The following DIRAS2 variants were observed in gnomAD, a reference collection of about 807,000 sequenced individuals.
DIRAS2 encodes GTP-binding protein Di-Ras2.
DIRAS2 carries 5 observed loss-of-function variants against 13.9 expected under a neutral mutation model. That is an observed-to-expected ratio of 0.36 (90% CI 0.19 to 0.76). The LOEUF is 0.76. Ranked by LOEUF, DIRAS2 falls within the 30% of genes least tolerant of loss-of-function variation. The pLI is 0.53. For synonymous variants in DIRAS2, 111 were observed against 105.4 expected (o/e 1.05, Z -0.33); for missense variants, 191 against 263.0 (o/e 0.73, Z 1.89).
Position 90,618,338 on chromosome 9 carries a change from T to A in DIRAS2, c.-36-4475A>T, listed in dbSNP as rs144777803. 9.9e-3 allele frequency among the ~76,000 whole-genome samples: 1,502 copies of A among 152,288 alleles called. 9 individuals carry two copies. Among genetic ancestry groups the A allele is most frequent in the Middle Eastern group, 0.02 (6 of 294 alleles). On this transcript the variant is annotated intron_variant, in intron 1 of 1. Transcript: ENST00000375765. ...ATTCAAAAGGCAGAAGGAATAGTCT[T>A]TTCAACAAATGACGCTGAAACTGGT...
At chr9:90,636,968 T>C (rs1014108433) in intron 1 of DIRAS2, among the ~76,000 whole-genome samples, 4 of 152,226 alleles carry the variant, frequency 2.6e-5, no homozygotes, top group African/African-American at 7.2e-5. Flanking sequence ...TAGCCTACAG[T>C]TGGGCAAAGT....
intron 1 of DIRAS2, among the ~76,000 whole-genome samples, chr9:90,638,935 A>G (rs1825394663): frequency 6.6e-6 from 1 of 152,180 alleles, no homozygotes; most frequent in Admixed American, 6.5e-5. Flanking sequence ...TTCCTCCTTC[A>G]AAGGCTCCTT....
At chr9:90,621,310 T>C (rs1221100458) in intron 1 of DIRAS2, among the ~76,000 whole-genome samples, 1 of 152,142 alleles carries the variant, frequency 6.6e-6, no homozygotes, top group Non-Finnish European at 1.5e-5. Flanking sequence ...AGATTCTGTA[T>C]AGATCTGGTG....
At position 90,613,518 on chromosome 9, in the gene DIRAS2, T is replaced by G; in HGVS notation, c.310A>C (p.Ile104Leu). Reference sequence around the variant, plus strand: ...TCCACGTCCCCTTTGATCTCGCAGATTTGTTCGTAGATGGGCTTGAGCTCC... The same window carrying G: ...TCCACGTCCCCTTTGATCTCGCAGAGTTGTTCGTAGATGGGCTTGAGCTCC... ...LEELKPIYEQ[I>L]CEIKGDVESI... Residue 104 changes from isoleucine to leucine, a missense_variant, in exon 2 of 2, where the codon ATC (isoleucine) becomes CTC (leucine). Transcript: ENST00000375765. The surrounding 1 kb of genome is among the most constrained non-coding windows in gnomAD (Gnocchi z 5.6). 1 of 1,614,030 alleles carries G rather than the reference T, an allele frequency of 6.2e-7. No individual in the cohort carries two copies. Among genetic ancestry groups the G allele is most frequent in the Non-Finnish European group, 8.5e-7 (1 of 1,180,018 alleles).
chr9:90,620,365 T>C (rs1019065083), intron 1 of DIRAS2, among the ~76,000 whole-genome samples: 4 of 152,184 alleles, frequency 2.6e-5, no homozygotes, highest in Admixed American at 6.5e-5. Context: ...GGCAAGTAAT[T>C]GAAATATCCC....
chr9:90,630,043 G>A (rs1477142261), intron 1 of DIRAS2, among the ~76,000 whole-genome samples: 2 of 152,118 alleles, frequency 1.3e-5, no homozygotes, highest in African/African-American at 4.8e-5. Context: ...TCTTCTTTCA[G>A]TGCTTATTTA....
chr9:90,619,304 A>C (rs914616827), intron 1 of DIRAS2, among the ~76,000 whole-genome samples: 2 of 152,026 alleles, frequency 1.3e-5, no homozygotes, highest in Non-Finnish European at 2.9e-5. Flanking sequence ...TTAGCCAGGT[A>C]TGGTGGCAGG....
chr9:90,610,405 T>C lies in DIRAS2; in HGVS notation c.*2823A>G, dbSNP rs1230915865. ...CTCTTGTGTTGGTCTTGCTGCATTG[T>C]ATGCATGCCCATGGCTTGTCGCTGG... On this transcript the variant is annotated 3_prime_UTR_variant, in exon 2 of 2. Coordinates refer to ENST00000375765, the MANE Select transcript of DIRAS2 (RefSeq NM_017594.5). The C allele has an allele frequency of 5.0e-6, 2 of 399,028 alleles. No individual in the cohort carries two copies. The highest frequency in any genetic ancestry group is 8.8e-6 in the Non-Finnish European group (2 of 226,062). 24.7% of individuals were successfully genotyped at this position (399,028 alleles called of 1,614,324 possible).
intron 1 of DIRAS2, among the ~76,000 whole-genome samples, chr9:90,638,976 G>A (rs1825395151): frequency 6.6e-6 from 1 of 152,128 alleles, no homozygotes; most frequent in Non-Finnish European, 1.5e-5. Context: ...TCTAAAGATG[G>A]TAAAGGAGGA....
intron 1 of DIRAS2, among the ~76,000 whole-genome samples, chr9:90,618,064 G>A (rs891234624): frequency 3.3e-5 from 5 of 152,030 alleles, no homozygotes; most frequent in Non-Finnish European, 7.4e-5. Flanking sequence ...CTGACAAACC[G>A]ATCCCAAAAT....
intron 1 of DIRAS2, among the ~76,000 whole-genome samples, chr9:90,630,473 C>A (rs987960374): frequency 2.9e-4 from 44 of 152,174 alleles, no homozygotes; most frequent in African/African-American, 9.9e-4. Context: ...CAAAAGTAGG[C>A]AGAAGCTACT....
At chr9:90,619,293 A>T (rs1161294934) in intron 1 of DIRAS2, among the ~76,000 whole-genome samples, 3 of 152,040 alleles carry the variant, frequency 2.0e-5, no homozygotes, top group East Asian at 3.9e-4. Context: ...TACAAAAAAA[A>T]TTAGCCAGGT....
chr9:90,618,635 T>C (rs1825190904), intron 1 of DIRAS2, among the ~76,000 whole-genome samples: 1 of 152,152 alleles, frequency 6.6e-6, no homozygotes, highest in African/African-American at 2.4e-5. Flanking sequence ...TTGTTATAAA[T>C]CATATATCTG....
chr9:90,615,637 G>C (rs1221554260), intron 1 of DIRAS2, among the ~76,000 whole-genome samples: 1 of 152,180 alleles, frequency 6.6e-6, no homozygotes. Context: ...AGTTCTGGAG[G>C]ATGGTAAGTC....
chr9:90,624,555 G>T (rs1441399745), intron 1 of DIRAS2, among the ~76,000 whole-genome samples: 1 of 152,128 alleles, frequency 6.6e-6, no homozygotes, highest in African/African-American at 2.4e-5. Flanking sequence ...GAATGGCGGG[G>T]ATAGCATAAA....
At chr9:90,638,453 G>T (rs1419003828) in intron 1 of DIRAS2, among the ~76,000 whole-genome samples, 1 of 152,150 alleles carries the variant, frequency 6.6e-6, no homozygotes, top group African/African-American at 2.4e-5. Flanking sequence ...AAAAGCTAAT[G>T]TCAGTTTTAC....
Position 90,633,933 on chromosome 9 carries a change from G to A in DIRAS2, c.-37+8819C>T, listed in dbSNP as rs375661340. The stretch of plus-strand genomic sequence containing the variant: ...GTGAATCAAAGGAAAGATTTGAATT[G>A]GTGGCTACATGGTACACAGTTTTGA... On this transcript the variant is annotated intron_variant, in intron 1 of 1. Transcript: ENST00000375765. 8.5e-5 allele frequency among the ~76,000 whole-genome samples: 13 copies of A among 152,172 alleles called. No homozygotes were observed. The East Asian group carries it at 2.5e-3, about 29-fold the overall frequency.
rs1353383818 is a variant in DIRAS2, at chr9:90,611,467, A to G, written c.*1761T>C. On this transcript the variant is annotated 3_prime_UTR_variant, in exon 2 of 2. Transcript: ENST00000375765. ...CAAGGGTGAGTTATTGGGAGACCAG[A>G]GAGGATGAGATCAGGACAAGGGAAC... is the stretch of plus-strand genomic sequence containing the variant. The G allele has an allele frequency of 6.6e-6, 1 of 152,428 alleles. No individual in the cohort carries two copies. Among genetic ancestry groups the G allele is most frequent in the East Asian group, 1.9e-4 (1 of 5,194 alleles). 9.4% of individuals were successfully genotyped at this position (152,428 alleles called of 1,614,324 possible).
chr9:90,635,025 C>T (rs528351094), intron 1 of DIRAS2, among the ~76,000 whole-genome samples: 1 of 152,270 alleles, frequency 6.6e-6, no homozygotes, highest in South Asian at 2.1e-4. Flanking sequence ...TTAATAGCCC[C>T]GTTTTACAGA....
Sources: allele counts gnomAD v4.1 joint callset (sites outside exome capture counted in the v4.1 genomes callset), GRCh38; gene constraint gnomAD v4.1.1; non-coding constraint Gnocchi (gnomAD v3.1); transcripts MANE v1.5; gene names NCBI Gene and HGNC (gene_info 2026-07-23, HGNC 2026-07-21).